VMP1: variants seen among roughly 807,000 people sequenced by gnomAD.
The protein encoded by VMP1 is vacuole membrane protein 1, also known as ectopic P-granules autophagy protein 3 homolog.
VMP1 carries 11 observed loss-of-function variants against 56.0 expected under a neutral mutation model. The ratio of observed to expected loss-of-function variants is 0.20; its 90% CI spans 0.12 to 0.32. The LOEUF is 0.32. Ranked by LOEUF, VMP1 falls within the 10% of genes least tolerant of loss-of-function variation. The pLI, the probability that VMP1 is intolerant of heterozygous loss-of-function variation, is 1.00. For missense variants in VMP1, 296 were observed against 490.3 expected, an observed-to-expected ratio of 0.60 and a Z score of 3.74; for synonymous variants, 149 against 165.0, an observed-to-expected ratio of 0.90 and a Z score of 0.74.
intron 10 of VMP1, among the ~76,000 whole-genome samples, chr17:59,836,978 G>A (rs2039003439): frequency 6.6e-6 from 1 of 151,822 alleles, no homozygotes; most frequent in African/African-American, 2.4e-5. Flanking sequence ...GAGGAAGGGG[G>A]ATCACGAGGT....
intron 5 of VMP1, among the ~76,000 whole-genome samples, chr17:59,756,792 T>G (rs1396601493): frequency 6.6e-6 from 1 of 152,184 alleles, no homozygotes; most frequent in Non-Finnish European, 1.5e-5. Context: ...ACATTTTAGG[T>G]CTTTCGTTTT....
At chr17:59,783,961 A>G (rs2036914930) in intron 7 of VMP1, among the ~76,000 whole-genome samples, 1 of 152,172 alleles carries the variant, frequency 6.6e-6, no homozygotes, top group African/African-American at 2.4e-5. Flanking sequence ...AGTGAAATCT[A>G]AACTATTTAA....
intron 5 of VMP1, among the ~76,000 whole-genome samples, chr17:59,748,316 C>T (rs750386254): frequency 9.2e-5 from 14 of 152,090 alleles, no homozygotes; most frequent in Admixed American, 7.2e-4. Flanking sequence ...ACTTTAAGTC[C>T]AATCTTTTCT....
intron 9 of VMP1, among the ~76,000 whole-genome samples, chr17:59,812,345 T>C (rs1484482485): frequency 2.0e-5 from 3 of 152,168 alleles, no homozygotes; most frequent in African/African-American, 7.2e-5. Context: ...GGCGAGGAGA[T>C]GTGGGTTGTG....
In VMP1 at chr17:59,830,432, A is replaced by G. The variant is rs571101176; in HGVS notation, c.975-7863A>G. On this transcript the variant is annotated intron_variant, in intron 10 of 11. Transcript: ENST00000262291. ...TTTTTTTTTTCATTTATAAGCTTTC[A>G]GGGATCTGACTTATGACACCCTGAG... 1.3e-3 allele frequency among the ~76,000 whole-genome samples: 196 copies of G among 152,292 alleles called. 1 individual carries two copies. Among genetic ancestry groups the G allele is most frequent in the Non-Finnish European group, 2.2e-3 (148 of 68,018 alleles).
In VMP1 at chr17:59,723,189, A is replaced by G. The variant is rs75098218; in HGVS notation, c.-26-8232A>G. Reference sequence around the variant, plus strand: ...TCTCTAAAGTTCCTTCTGTGATTCTAATTATTCTTACAGCATATTCATAAA... The same window carrying G: ...TCTCTAAAGTTCCTTCTGTGATTCTGATTATTCTTACAGCATATTCATAAA... On this transcript the variant is annotated intron_variant, in intron 1 of 11. Coordinates refer to ENST00000262291, the MANE Select transcript of VMP1 (RefSeq NM_030938.5). 3.4e-3 allele frequency among the ~76,000 whole-genome samples: 519 copies of G among 152,316 alleles called. 2 individuals are homozygous for G. The highest frequency in any genetic ancestry group is 0.012 in the African/African-American group (484 of 41,566).
chr17:59,776,657 C>T (rs1018801842), intron 7 of VMP1, among the ~76,000 whole-genome samples: 5 of 152,110 alleles, frequency 3.3e-5, no homozygotes, highest in Admixed American at 6.6e-5. Flanking sequence ...TGGTATATTC[C>T]GATTACTGAA....
chr17:59,788,674 G>A (rs1231960423), intron 7 of VMP1, among the ~76,000 whole-genome samples: 1 of 151,718 alleles, frequency 6.6e-6, no homozygotes, highest in South Asian at 2.1e-4. Context: ...GGGTGTGCTG[G>A]CGGGTGCTTC....
intron 7 of VMP1, among the ~76,000 whole-genome samples, chr17:59,803,800 A>C (rs955468587): frequency 2.6e-5 from 4 of 152,160 alleles, no homozygotes; most frequent in East Asian, 1.9e-4. Context: ...TTGAATACCT[A>C]ACATACAATT....
chr17:59,765,594 A>T (rs1330666696), intron 6 of VMP1, among the ~76,000 whole-genome samples: 1 of 152,224 alleles, frequency 6.6e-6, no homozygotes, highest in Non-Finnish European at 1.5e-5. Flanking sequence ...ACCATATTAC[A>T]AAGAAAATTA....
At chr17:59,728,559 G>T (rs373308175) in intron 1 of VMP1, among the ~76,000 whole-genome samples, 1 of 152,214 alleles carries the variant, frequency 6.6e-6, no homozygotes, top group African/African-American at 2.4e-5. Context: ...ATATAGAGAC[G>T]CGTGGGTAGT....
At chr17:59,820,333 A>G (rs1007125593) in intron 10 of VMP1, among the ~76,000 whole-genome samples, 1 of 152,176 alleles carries the variant, frequency 6.6e-6, no homozygotes, top group African/African-American at 2.4e-5. Context: ...TAAAGACCAG[A>G]TAATTACTTG....
At chr17:59,732,308 C>T (rs746505028) in intron 2 of VMP1, among the ~76,000 whole-genome samples, 4 of 152,112 alleles carry the variant, frequency 2.6e-5, no homozygotes, top group Non-Finnish European at 4.4e-5. Flanking sequence ...TGCAATGGTG[C>T]GATCTTGGCT....
chr17:59,824,654 CCT>C (rs1346947434), intron 10 of VMP1, among the ~76,000 whole-genome samples: 1 of 143,012 alleles, frequency 7.0e-6, no homozygotes, highest in Non-Finnish European at 1.5e-5. Flanking sequence ...GGGCGGATCA[CCT>C]GAGGTCAGGA....
chr17:59,816,309 A>G (rs1431641232), intron 9 of VMP1, among the ~76,000 whole-genome samples: 2 of 152,252 alleles, frequency 1.3e-5, no homozygotes, highest in Non-Finnish European at 2.9e-5. Flanking sequence ...GTTGATTAAT[A>G]AAAGATTTAT....
chr17:59,751,157 C>T (rs1006734540), intron 5 of VMP1, among the ~76,000 whole-genome samples: 4 of 152,022 alleles, frequency 2.6e-5, no homozygotes, highest in African/African-American at 9.7e-5. Context: ...TGGTCTTGAT[C>T]TCCTGACCTC....
chr17:59,817,931 G>A (rs556434745), intron 10 of VMP1, among the ~76,000 whole-genome samples, 158 bp downstream of exon 10: 1 of 152,174 alleles, frequency 6.6e-6, no homozygotes, highest in Non-Finnish European at 1.5e-5. Flanking sequence ...ATACTTTCTT[G>A]TTCTATAGTA....
At chr17:59,728,022 TTTTA>T (rs1037100756) in intron 1 of VMP1, among the ~76,000 whole-genome samples, 2 of 152,244 alleles carry the variant, frequency 1.3e-5, no homozygotes, top group South Asian at 4.1e-4. Flanking sequence ...GAAACCTATA[TTTTA>T]TTTCTTGATG....
intron 8 of VMP1, among the ~76,000 whole-genome samples, chr17:59,809,600 G>A (rs928745726): frequency 2.9e-5 from 4 of 137,694 alleles, no homozygotes; most frequent in East Asian, 2.3e-4. Flanking sequence ...TCCGCCTCCC[G>A]GGTTCACGCC....
Sources: gnomAD v4.1 joint callset for allele counts (sites outside exome capture counted in the v4.1 genomes callset) on GRCh38, gnomAD v4.1.1 for gene constraint, MANE v1.5 for transcripts, NCBI Gene and HGNC (gene_info 2026-07-23, HGNC 2026-07-21) for gene names.